NUP210: variants seen among roughly 807,000 people sequenced by gnomAD.
NUP210 encodes the protein nucleoporin 210, also known as nuclear pore membrane glycoprotein 210.
In NUP210, 151 loss-of-function variants were observed where a neutral mutation model predicts 196.0. That is an observed-to-expected ratio of 0.77 (90% CI 0.67 to 0.88). The LOEUF is 0.88. Ranked by LOEUF, NUP210 falls within the 40% of genes least tolerant of loss-of-function variation. The pLI is 0.00. For synonymous variants in NUP210, 1,070 were observed against 1,052.7 expected (o/e 1.02, Z -0.32); for missense variants, 2,314 against 2,493.7 (o/e 0.93, Z 1.53).
chr3:13,335,368 C>T, intron 28 of NUP210, 86 bp downstream of exon 28: 2 of 1,486,346 alleles, frequency 1.3e-6, no homozygotes, highest in Non-Finnish European at 1.8e-6. Flanking sequence ...TCAGCCCCTG[C>T]CCATGCAACA....
At chr3:13,335,666 CA>C in intron 27 of NUP210, 54 bp from the exon 28 acceptor site, 1 of 1,590,868 alleles carries the variant, frequency 6.3e-7, no homozygotes, top group Non-Finnish European at 8.6e-7. Flanking sequence ...CCTGTGTCCT[CA>C]AAAAGGCAGA....
At chr3:13,342,923 T>C (rs1697570774) in intron 21 of NUP210, among the ~76,000 whole-genome samples, 6 of 152,190 alleles carry the variant, frequency 3.9e-5, no homozygotes, top group Admixed American at 3.9e-4. Context: ...CATGGCTAAT[T>C]TAGAGACAGC....
Position 13,350,505 on chromosome 3 carries a change from G to A in NUP210, c.2835+1374C>T, listed in dbSNP as rs936722433. On this transcript the variant is annotated intron_variant, in intron 20 of 39. Transcript: ENST00000254508. The surrounding 1 kb of genome is among the most constrained non-coding windows in gnomAD (Gnocchi z 4.1). Reference sequence around the variant, plus strand: ...AAAACAAAACAAAACAGGAAAACATGACCCGTACTCCAGAAAAAAGGCAGA... The same window carrying A: ...AAAACAAAACAAAACAGGAAAACATAACCCGTACTCCAGAAAAAAGGCAGA... Among the ~76,000 whole-genome samples the A allele has an allele frequency of 1.3e-5, 2 of 151,230 alleles. No homozygotes were observed. Among genetic ancestry groups the A allele is most frequent in the Admixed American group, 6.6e-5 (1 of 15,150 alleles).
chr3:13,386,060 G>A (rs1236528474), intron 6 of NUP210, among the ~76,000 whole-genome samples: 1 of 152,228 alleles, frequency 6.6e-6, no homozygotes, highest in East Asian at 1.9e-4. Context: ...GTGAAGGGGA[G>A]TTAGTGTTTA....
At chr3:13,363,042 A>C (rs558420484) in intron 14 of NUP210, among the ~76,000 whole-genome samples, 1 of 152,356 alleles carries the variant, frequency 6.6e-6, no homozygotes, top group African/African-American at 2.4e-5. Context: ...GTTAATGTCT[A>C]CAAGGCTGTT....
intron 1 of NUP210, among the ~76,000 whole-genome samples, chr3:13,415,264 A>G (rs754609301): frequency 1.3e-4 from 20 of 152,198 alleles, no homozygotes; most frequent in Non-Finnish European, 2.6e-4. Flanking sequence ...GTCACCTCTT[A>G]TTCAGTGACT....
chr3:13,358,158 A>G, intron 16 of NUP210, 64 bp downstream of exon 16: 1 of 1,478,610 alleles, frequency 6.8e-7, no homozygotes, highest in Non-Finnish European at 9.2e-7. Flanking sequence ...GGGCGAGGCC[A>G]CCAATGTCCT....
intron 3 of NUP210, among the ~76,000 whole-genome samples, chr3:13,391,676 C>T (rs1576412637): frequency 6.7e-6 from 1 of 148,592 alleles, no homozygotes; most frequent in African/African-American, 2.5e-5. Context: ...GAAACCTGGG[C>T]CATTCATTCC....
chr3:13,365,887 A>T, intron 14 of NUP210, 59 bp downstream of exon 14: 4 of 1,567,930 alleles, frequency 2.6e-6, no homozygotes, highest in Non-Finnish European at 3.5e-6. Flanking sequence ...GCAAATGGGT[A>T]ATTTGCATCT....
Position 13,399,035 on chromosome 3 carries a change from G to A in NUP210, c.304+690C>T, listed in dbSNP as rs535723191. 1.4e-4 allele frequency among the ~76,000 whole-genome samples: 22 copies of A among 152,330 alleles called. No homozygotes were observed. In the South Asian group the frequency reaches 4.6e-3, roughly 32 times the overall value. Reference sequence around the variant, plus strand: ...TGTAATCCCAACACTTTGGGAGGCTGAGGTGGGTGGATCATGAGGTCAGGA... The same window carrying A: ...TGTAATCCCAACACTTTGGGAGGCTAAGGTGGGTGGATCATGAGGTCAGGA... On this transcript the variant is annotated intron_variant, in intron 2 of 39. Transcript: ENST00000254508.
chr3:13,324,357 A>C (rs1327943135), intron 33 of NUP210, among the ~76,000 whole-genome samples: 1 of 152,032 alleles, frequency 6.6e-6, no homozygotes, highest in African/African-American at 2.4e-5. Flanking sequence ...TTCTGGGCTG[A>C]GGCCCCCACC....
Position 13,356,143 on chromosome 3 carries a change from A to G in NUP210, c.2329-2036T>C, listed in dbSNP as rs148693982. On this transcript the variant is annotated intron_variant, in intron 16 of 39. Coordinates refer to ENST00000254508, the MANE Select transcript of NUP210 (RefSeq NM_024923.4). ...GGTGCCCACCCACAGTGAGTGAGCCACACGCTAGAGGACCTGCTCAGAGGG... is the reference window on the plus strand; with the variant it reads ...GGTGCCCACCCACAGTGAGTGAGCCGCACGCTAGAGGACCTGCTCAGAGGG... Among the ~76,000 whole-genome samples the G allele has an allele frequency of 3.3e-3, 497 of 152,336 alleles. 5 individuals are homozygous for G. Among genetic ancestry groups the G allele is most frequent in the African/African-American group, 0.012 (486 of 41,574 alleles).
chr3:13,373,568 A>G, intron 12 of NUP210, 150 bp downstream of exon 12: 1 of 693,622 alleles, frequency 1.4e-6, no homozygotes, highest in Non-Finnish European at 2.4e-6. Flanking sequence ...CATGGCCGTG[A>G]GCTCCTAAGG....
chr3:13,397,207 C>T, intron 3 of NUP210, 150 bp downstream of exon 3: 1 of 904,404 alleles, frequency 1.1e-6, no homozygotes, highest in African/African-American at 1.8e-5. Flanking sequence ...TCTCCCCCAG[C>T]ACCAACTTCA....
chr3:13,383,917 A>G (rs1369196722), intron 6 of NUP210, among the ~76,000 whole-genome samples: 1 of 152,024 alleles, frequency 6.6e-6, no homozygotes, highest in Non-Finnish European at 1.5e-5. Flanking sequence ...CATGAGTCCC[A>G]TGCAAATGGA....
Position 13,379,819 on chromosome 3 carries a change from C to T in NUP210, c.818-98G>A. On this transcript the variant is annotated intron_variant, in intron 6 of 39. Transcript: ENST00000254508. This position sits in a 1 kb window ranked among gnomAD's most constrained non-coding sequence, Gnocchi z 4.2. ...CCCACTGCCACCCCGAATCTCTGCACTCTGCTCTCAGTACAGCTGACGCAT... is the reference window on the plus strand; with the variant it reads ...CCCACTGCCACCCCGAATCTCTGCATTCTGCTCTCAGTACAGCTGACGCAT... 2 of 1,040,958 alleles carry T rather than the reference C, an allele frequency of 1.9e-6. No homozygotes were observed. The highest frequency in any genetic ancestry group is 1.4e-6 in the Non-Finnish European group (1 of 725,534). The allele number at this position is 1,040,958 out of a possible 1,614,324, so 64.5% of individuals were successfully genotyped here. A position where few individuals can be genotyped will look rare whatever the true frequency, so the allele number is the denominator to read the frequency against.
chr3:13,374,005 C>A, intron 11 of NUP210, 132 bp from the exon 12 acceptor site: 12 of 994,094 alleles, frequency 1.2e-5, no homozygotes, highest in African/African-American at 1.6e-5. Flanking sequence ...CTCATGGGTT[C>A]ACCCATGCAC....
chr3:13,375,785 C>T, intron 10 of NUP210, 144 bp from the exon 11 acceptor site: 1 of 806,882 alleles, frequency 1.2e-6, no homozygotes, highest in Non-Finnish European at 2.0e-6. Flanking sequence ...TGCCAGACAC[C>T]CTGCTGCCCT....
At chr3:13,367,957 G>T (rs1365824156) in intron 13 of NUP210, among the ~76,000 whole-genome samples, 1 of 152,214 alleles carries the variant, frequency 6.6e-6, no homozygotes, top group African/African-American at 2.4e-5. Context: ...TGCAGGGCGT[G>T]CATGTGTTTA....
Sources: allele counts gnomAD v4.1 joint callset (sites outside exome capture counted in the v4.1 genomes callset), GRCh38; gene constraint gnomAD v4.1.1; non-coding constraint Gnocchi (gnomAD v3.1); transcripts MANE v1.5; gene names NCBI Gene and HGNC (gene_info 2026-07-23, HGNC 2026-07-21).